The following SEC22C variants were observed in gnomAD, a reference collection of about 807,000 sequenced individuals.
The protein encoded by SEC22C is SEC22 homolog C, vesicle trafficking protein.
Under a neutral mutation model 34.7 loss-of-function variants are expected in SEC22C, and 29 were observed. The observed-to-expected ratio is 0.84, with a 90% confidence interval of 0.62 to 1.14. The LOEUF is 1.14. SEC22C is among the 50% of genes most tolerant of loss of function. The probability of loss-of-function intolerance (pLI) is 0.00; values close to 1 mark genes in which losing one functional copy is unlikely to be tolerated. For missense variants in SEC22C, 337 were observed against 369.0 expected, an observed-to-expected ratio of 0.91 and a Z score of 0.71; for synonymous variants, 117 against 132.8, an observed-to-expected ratio of 0.88 and a Z score of 0.82.
In SEC22C at chr3:42,580,125, CAA is replaced by C. The variant is rs544146769; in HGVS notation, c.-28+1719_-28+1720del. Among the ~76,000 whole-genome samples the C allele has an allele frequency of 7.5e-4, 114 of 152,290 alleles. 1 individual carries two copies. The South Asian group carries it at 0.022, about 29-fold the overall frequency. ...TCATAGATTATCTCTGTTCTATTAA[CAA>C]AGACTTTATGCCTATGCTGCAGGCT... is the stretch of plus-strand genomic sequence containing the variant. On this transcript the variant is annotated intron_variant, in intron 1 of 6. Coordinates refer to ENST00000264454, the MANE Select transcript of SEC22C (RefSeq NM_032970.4).
At chr3:42,598,750 G>A (rs760653576) in intron 1 of SEC22C, among the ~76,000 whole-genome samples, 14 of 151,982 alleles carry the variant, frequency 9.2e-5, no homozygotes, top group Non-Finnish European at 1.6e-4. Flanking sequence ...GGGAAATGGG[G>A]AGTTACTGTT....
chr3:42,589,201 A>G (rs1255277836), intron 1 of SEC22C, among the ~76,000 whole-genome samples: 1 of 150,742 alleles, frequency 6.6e-6, no homozygotes, highest in Non-Finnish European at 1.5e-5. Flanking sequence ...CCCGGGAGGC[A>G]GAGGTTGCAG....
intron 1 of SEC22C, chr3:42,591,558 A>G (rs761000009): frequency 1.9e-6 from 3 of 1,613,834 alleles, no homozygotes; most frequent in Admixed American, 1.7e-5. Flanking sequence ...GATCCGCTGT[A>G]TTGTGGAGTA....
intron 6 of SEC22C, 66 bp downstream of exon 6, chr3:42,555,864 A>G (rs971236991): frequency 7.8e-7 from 1 of 1,282,790 alleles, no homozygotes; most frequent in Non-Finnish European, 1.1e-6. Flanking sequence ...ACTTGCTGAT[A>G]GATGAACAGA....
chr3:42,568,808 A>G, intron 2 of SEC22C, 57 bp downstream of exon 2: 1 of 1,402,236 alleles, frequency 7.1e-7, no homozygotes, highest in Non-Finnish European at 1.0e-6. Context: ...CACTACATGT[A>G]GTTAAAAGTA....
chr3:42,551,416 A>C lies in SEC22C; in HGVS notation c.*1832T>G. On this transcript the variant is annotated 3_prime_UTR_variant, in exon 7 of 7. Transcript: ENST00000264454. ...GGGTGCAGTGGTGTGATTATAGCTC[A>C]TGGAAGCCTCAAACTCCTGGACTCA... 290 of 861,516 alleles carry C rather than the reference A, an allele frequency of 3.4e-4. No homozygotes were observed. Among genetic ancestry groups the C allele is most frequent in the South Asian group, 3.7e-4 (7 of 18,730 alleles). The allele number at this position is 861,516 out of a possible 1,614,324, so 53.4% of individuals were successfully genotyped here.
intron 1 of SEC22C, among the ~76,000 whole-genome samples, chr3:42,574,062 A>G (rs906091190): frequency 5.3e-5 from 8 of 152,240 alleles, no homozygotes; most frequent in African/African-American, 1.4e-4. Flanking sequence ...CAGAAGCCCA[A>G]CTTATGAAAA....
At position 42,548,876 on chromosome 3, in the gene SEC22C, CTTT is replaced by C; in HGVS notation, c.*4369_*4371del. On this transcript the variant is annotated 3_prime_UTR_variant, in exon 7 of 7. Transcript: ENST00000264454. ...TTCATGTACCAGGTGAATGTAAAGC[CTTT>C]CTCCTCCCACACACAATGGACTCAC... The C allele has an allele frequency of 2.2e-6, 3 of 1,378,670 alleles. No homozygotes were observed. In the South Asian group the frequency reaches 5.2e-5, roughly 24 times the overall value. 85.4% of individuals were successfully genotyped at this position (1,378,670 alleles called of 1,614,324 possible).
intron 6 of SEC22C, among the ~76,000 whole-genome samples, chr3:42,554,386 C>T (rs1702403292): frequency 6.6e-6 from 1 of 151,994 alleles, no homozygotes. Context: ...TCTCTGTTGC[C>T]CAGGCTGGAA....
chr3:42,549,045 T>C lies in SEC22C; in HGVS notation c.*4203A>G, dbSNP rs1272431438. 3 of 989,820 alleles carry C rather than the reference T, an allele frequency of 3.0e-6. No homozygotes were observed. Among genetic ancestry groups the C allele is most frequent in the East Asian group, 1.8e-4 (2 of 10,892 alleles). 61.3% of individuals were successfully genotyped at this position (989,820 alleles called of 1,614,324 possible). On this transcript the variant is annotated 3_prime_UTR_variant, in exon 7 of 7. Coordinates refer to ENST00000264454, the MANE Select transcript of SEC22C (RefSeq NM_032970.4). The stretch of plus-strand genomic sequence containing the variant: ...TTGTGCACTGCGACATAGGACTCAG[T>C]GAAGAGCCTAGCCAGCTGACGGTCA...
rs185113817 is a variant in SEC22C at position 42,571,611 on chromosome 3, T to A, written c.-27-2538A>T. Among the ~76,000 whole-genome samples, 70 of 152,246 alleles carry A rather than the reference T, an allele frequency of 4.6e-4. No homozygotes were observed. The East Asian group carries it at 0.012, about 27-fold the overall frequency. On this transcript the variant is annotated intron_variant, in intron 1 of 6. Transcript: ENST00000264454. Reference sequence around the variant, plus strand: ...CTTTGTATTCTAAAAGATGGAAAAATAATAATACAAAAAGGAAGGGGCTTA... The same window carrying A: ...CTTTGTATTCTAAAAGATGGAAAAAAAATAATACAAAAAGGAAGGGGCTTA...
chr3:42,582,105 T>A (rs1230089953), upstream of SEC22C: 1 of 152,114 alleles, frequency 6.6e-6, no homozygotes, highest in Non-Finnish European at 1.5e-5. Context: ...GCGAACGTAG[T>A]GGTTCTTAAA....
At position 42,555,949 on chromosome 3, in the gene SEC22C, A is replaced by T. The variant is rs772366088; in HGVS notation, c.692T>A (p.Phe231Tyr). ...IGNILAFLVP[F>Y]VACIFQCYLY... Reference sequence around the variant, plus strand: ...ACCCACCTGGAAAATGCAGGCTACGAAAGGAACAAGAAAAGCCAGAATGTT... The same window carrying T: ...ACCCACCTGGAAAATGCAGGCTACGTAAGGAACAAGAAAAGCCAGAATGTT... Residue 231 changes from phenylalanine to tyrosine, a missense_variant, in exon 6 of 7, where the codon TTC becomes TAC. Coordinates refer to ENST00000264454, the MANE Select transcript of SEC22C (RefSeq NM_032970.4). 2 of 1,613,916 alleles carry T rather than the reference A, an allele frequency of 1.2e-6. No individual in the cohort carries two copies. Among genetic ancestry groups the T allele is most frequent in the Non-Finnish European group, 1.7e-6 (2 of 1,179,858 alleles).
chr3:42,591,683 C>A, intron 1 of SEC22C: 1 of 987,376 alleles, frequency 1.0e-6, no homozygotes, highest in Non-Finnish European at 1.6e-6. Flanking sequence ...AACTAAGAGT[C>A]TTGGGTGATT....
rs768179509 is a variant in SEC22C at position 42,568,910 on chromosome 3, T to C, written c.137A>G (p.Gln46Arg). Residue 46 changes from glutamine to arginine, a missense_variant, in exon 2 of 7, where the codon CAG becomes CGG. Coordinates refer to ENST00000264454, the MANE Select transcript of SEC22C (RefSeq NM_032970.4). ...RLKSLALRLAQYPGRGSAEGC... is the reference protein window; with the variant it reads ...RLKSLALRLARYPGRGSAEGC... ...TTCTGCAGAACCTCGACCTGGATACTGGGCCAGTCGCAAGGCTAAACTCTT... is the reference window on the plus strand; with the variant it reads ...TTCTGCAGAACCTCGACCTGGATACCGGGCCAGTCGCAAGGCTAAACTCTT... The C allele has an allele frequency of 2.5e-6, 4 of 1,614,116 alleles. No individual in the cohort carries two copies. Among genetic ancestry groups the C allele is most frequent in the Middle Eastern group, 1.6e-4 (1 of 6,084 alleles).
chr3:42,591,374 T>C, intron 1 of SEC22C: 1 of 621,450 alleles, frequency 1.6e-6, no homozygotes, highest in Non-Finnish European at 2.9e-6. Flanking sequence ...AATTTTTGTA[T>C]TTTTAGTATG....
At position 42,550,589 on chromosome 3, in the gene SEC22C, G is replaced by C; in HGVS notation, c.*2659C>G. ...GGTCATTACTTGTACTGTTTTTCTA[G>C]TGCATCTTTTCCCTTTTGTTTGCAA... On this transcript the variant is annotated 3_prime_UTR_variant, in exon 7 of 7. Transcript: ENST00000264454. 1.0e-6 allele frequency: 1 copy of C among 985,316 alleles called. No homozygotes were observed. The highest frequency in any genetic ancestry group is 1.2e-6 in the Non-Finnish European group (1 of 829,920). The allele number at this position is 985,316 out of a possible 1,614,324, so 61.0% of individuals were successfully genotyped here. A position where few individuals can be genotyped will look rare whatever the true frequency, so the allele number is the denominator to read the frequency against.
chr3:42,572,502 ATT>A (rs1469199240), intron 1 of SEC22C, among the ~76,000 whole-genome samples: 1 of 152,106 alleles, frequency 6.6e-6, no homozygotes, highest in Non-Finnish European at 1.5e-5. Context: ...GTAATGAGCC[ATT>A]CTCTCCCACT....
chr3:42,596,012 G>T (rs555291328), intron 1 of SEC22C, among the ~76,000 whole-genome samples: 1 of 151,564 alleles, frequency 6.6e-6, no homozygotes, highest in Admixed American at 6.6e-5. Context: ...CTTTTTTTTG[G>T]TTTTGTTTTG....
Sources: gnomAD v4.1 joint callset for allele counts (sites outside exome capture counted in the v4.1 genomes callset) on GRCh38, gnomAD v4.1.1 for gene constraint, MANE v1.5 for transcripts, NCBI Gene and HGNC (gene_info 2026-07-23, HGNC 2026-07-21) for gene names.